UNC13C: variants seen among roughly 807,000 people sequenced by gnomAD.
UNC13C encodes unc-13 homolog C.
A neutral mutation model predicts 245.4 loss-of-function variants in UNC13C; 174 were observed. That is an observed-to-expected ratio of 0.71 (90% CI 0.63 to 0.80). The LOEUF is 0.80. UNC13C is among the 30% of genes least tolerant of loss of function. UNC13C has a pLI of 0.00. For missense variants in UNC13C, 2,829 were observed against 2,602.9 expected (o/e 1.09, Z -1.89); for synonymous variants, 992 against 895.1 (o/e 1.11, Z -1.93).
intron 17 of UNC13C, among the ~76,000 whole-genome samples, chr15:54,342,870 C>T (rs1020517819): frequency 2.6e-5 from 4 of 152,146 alleles, no homozygotes; most frequent in Admixed American, 6.5e-5. Context: ...TAACCACATA[C>T]TTGTTCATAA....
chr15:54,181,370 G>T (rs1176336970), intron 4 of UNC13C, among the ~76,000 whole-genome samples: 1 of 151,932 alleles, frequency 6.6e-6, no homozygotes, highest in Non-Finnish European at 1.5e-5. Context: ...GTCTGTTTTT[G>T]TACAAGTACC....
intron 30 of UNC13C, among the ~76,000 whole-genome samples, chr15:54,621,154 A>C (rs1472985658): frequency 1.3e-5 from 2 of 152,136 alleles, no homozygotes; most frequent in Admixed American, 1.3e-4. Flanking sequence ...TGATTCTCTC[A>C]AGATAGAAAC....
intron 4 of UNC13C, among the ~76,000 whole-genome samples, chr15:54,230,372 G>T (rs564330072): frequency 6.6e-6 from 1 of 151,864 alleles, no homozygotes; most frequent in African/African-American, 2.4e-5. Flanking sequence ...TATCCTGCTT[G>T]ATAGTTTTCA....
chr15:53,955,031 C>A, the UNC13C span, among the ~76,000 whole-genome samples: 11 of 152,278 alleles, frequency 7.2e-5, no homozygotes, highest in Admixed American at 7.2e-4. Context: ...CTACTTATAA[C>A]ATTTTCATGA....
chr15:53,965,254 T>C, the UNC13C span, among the ~76,000 whole-genome samples: 1 of 152,132 alleles, frequency 6.6e-6, no homozygotes, highest in African/African-American at 2.4e-5. Flanking sequence ...TATCAACCCA[T>C]GACCCTTCAA....
chr15:54,424,414 T>G (rs1319273746), intron 19 of UNC13C, among the ~76,000 whole-genome samples: 1 of 151,770 alleles, frequency 6.6e-6, no homozygotes, highest in Non-Finnish European at 1.5e-5. Flanking sequence ...TTGTTTGTTT[T>G]TATTTGGAAA....
At chr15:54,254,776 A>AG (rs2036237584) in intron 8 of UNC13C, among the ~76,000 whole-genome samples, 1 of 152,156 alleles carries the variant, frequency 6.6e-6, no homozygotes, top group South Asian at 2.1e-4. Context: ...AGTCAATCCT[A>AG]GGGGGAAGAA....
intron 19 of UNC13C, among the ~76,000 whole-genome samples, chr15:54,453,426 C>A (rs1444558228): frequency 6.6e-6 from 1 of 152,162 alleles, no homozygotes; most frequent in Non-Finnish European, 1.5e-5. Flanking sequence ...TTGTTAGATG[C>A]CTCTAGTCAG....
At chr15:54,457,892 G>T (rs1010320496) in intron 19 of UNC13C, among the ~76,000 whole-genome samples, 47 of 122,916 alleles carry the variant, frequency 3.8e-4, no homozygotes, top group African/African-American at 5.9e-4. Flanking sequence ...TCTGCTTTTC[G>T]TTTTTTTTTT....
In UNC13C at chr15:54,623,971, CCTTA is replaced by C; in HGVS notation, c.6359+22_6359+25del. 5.0e-6 allele frequency: 8 copies of C among 1,612,452 alleles called. No homozygotes were observed. The highest frequency in any genetic ancestry group is 6.8e-6 in the Non-Finnish European group (8 of 1,178,910). On this transcript the variant is annotated intron_variant, in intron 32 of 32. Transcript: ENST00000260323. ...ATTTCAGTTGTAAGTCATAAACCCA[CCTTA>C]CTTATTCTACCAGGCAATAGTTACT...
the UNC13C span, among the ~76,000 whole-genome samples, chr15:53,951,656 T>TA: frequency 1.3e-5 from 2 of 152,186 alleles, no homozygotes; most frequent in Non-Finnish European, 2.9e-5. Flanking sequence ...GGAGCCAAGA[T>TA]AAAAACTCAG....
chr15:54,496,176 T>TA (rs1404270591), intron 20 of UNC13C, among the ~76,000 whole-genome samples: 1 of 152,098 alleles, frequency 6.6e-6, no homozygotes, highest in Non-Finnish European at 1.5e-5. Context: ...TTATACTTGG[T>TA]AAATACATAC....
intron 1 of UNC13C, among the ~76,000 whole-genome samples, chr15:54,003,734 C>T (rs541291235): frequency 2.0e-5 from 3 of 152,196 alleles, no homozygotes; most frequent in Admixed American, 6.5e-5. Context: ...GACTATAGGC[C>T]GGGCGCGGTG....
chr15:54,545,075 G>C (rs1332294015), intron 26 of UNC13C, among the ~76,000 whole-genome samples: 2 of 152,160 alleles, frequency 1.3e-5, no homozygotes, highest in African/African-American at 2.4e-5. Flanking sequence ...AACCAAAACA[G>C]CATGGTACTG....
intron 18 of UNC13C, among the ~76,000 whole-genome samples, chr15:54,393,757 A>G (rs1265310503): frequency 1.3e-5 from 2 of 151,898 alleles, no homozygotes; most frequent in African/African-American, 2.4e-5. Context: ...TCAAAATACA[A>G]CTAGCTGTGT....
intron 4 of UNC13C, among the ~76,000 whole-genome samples, chr15:54,163,050 G>A (rs867647306): frequency 1.3e-5 from 2 of 152,162 alleles, no homozygotes; most frequent in Admixed American, 6.5e-5. Context: ...AAAGATGTCC[G>A]CATCCTAATT....
At chr15:54,187,209 C>A (rs1345159391) in intron 4 of UNC13C, among the ~76,000 whole-genome samples, 1 of 152,044 alleles carries the variant, frequency 6.6e-6, no homozygotes, top group African/African-American at 2.4e-5. Context: ...TATAATATCT[C>A]CTGAATCTCT....
the UNC13C span, among the ~76,000 whole-genome samples, chr15:53,887,930 C>T: frequency 6.6e-6 from 1 of 152,160 alleles, no homozygotes; most frequent in South Asian, 2.1e-4. Flanking sequence ...ATATGTGCCA[C>T]ATTTTCTTTA....
At chr15:54,554,062 A>G (rs1896989337) in intron 28 of UNC13C, among the ~76,000 whole-genome samples, 1 of 151,982 alleles carries the variant, frequency 6.6e-6, no homozygotes, top group Admixed American at 6.6e-5. Context: ...GGATCCATGA[A>G]ACATTATACC....
Sources: allele counts gnomAD v4.1 joint callset (sites outside exome capture counted in the v4.1 genomes callset), GRCh38; gene constraint gnomAD v4.1.1; transcripts MANE v1.5; gene names NCBI Gene and HGNC (gene_info 2026-07-23, HGNC 2026-07-21).